Variants in CHST6 observed in about 807,000 individuals in gnomAD.
CHST6 encodes the protein N-acetylglucosamine 6-O-sulfotransferase 5.
For missense variants in CHST6, 698 were observed against 586.2 expected, an observed-to-expected ratio of 1.19 and a Z score of -1.97; for synonymous variants, 309 against 276.4, an observed-to-expected ratio of 1.12 and a Z score of -1.17.
rs942261645 is a variant in CHST6, at chr16:75,475,770, C to A, written c.*2871G>T. Reference sequence around the variant, plus strand: ...AATGGATGGGTCATACAACAAAGGACTTGGATACCAAGAGGCCATTAATTG... The same window carrying A: ...AATGGATGGGTCATACAACAAAGGAATTGGATACCAAGAGGCCATTAATTG... On this transcript the variant is annotated 3_prime_UTR_variant, in exon 3 of 3. Transcript: ENST00000332272. 1.3e-5 allele frequency: 2 copies of A among 152,222 alleles called. No homozygotes were observed. Among genetic ancestry groups the A allele is most frequent in the African/African-American group, 4.8e-5 (2 of 41,454 alleles). The allele number at this position is 152,222 out of a possible 1,614,324, so 9.4% of individuals were successfully genotyped here.
At chr16:75,493,267 T>G (rs928260498) in intron 1 of CHST6, among the ~76,000 whole-genome samples, 7 of 151,970 alleles carry the variant, frequency 4.6e-5, no homozygotes, top group Non-Finnish European at 1.0e-4. Context: ...TCCCAGCACT[T>G]TGCGAGGCTG....
chr16:75,493,633 G>T (rs963026292), intron 1 of CHST6, among the ~76,000 whole-genome samples: 2 of 152,216 alleles, frequency 1.3e-5, no homozygotes, highest in East Asian at 3.9e-4. Flanking sequence ...GGCGCATAGT[G>T]CACTTATGAG....
intron 1 of CHST6, among the ~76,000 whole-genome samples, chr16:75,493,869 T>C (rs1437240672): frequency 6.6e-6 from 1 of 152,114 alleles, no homozygotes; most frequent in Non-Finnish European, 1.5e-5. Context: ...TTTTCTGAGA[T>C]GGAGTCTCGC....
At chr16:75,480,121 T>C (rs971427654) in intron 2 of CHST6, among the ~76,000 whole-genome samples, 7 of 144,704 alleles carry the variant, frequency 4.8e-5, no homozygotes, top group African/African-American at 1.7e-4. Context: ...TTAATGTGAG[T>C]CCTACCTTCT....
chr16:75,484,872 C>G (rs996206544), intron 1 of CHST6, among the ~76,000 whole-genome samples: 2 of 152,028 alleles, frequency 1.3e-5, no homozygotes, highest in Non-Finnish European at 2.9e-5. Context: ...CAAAAAAACT[C>G]AAGGTAAAGA....
intron 1 of CHST6, among the ~76,000 whole-genome samples, chr16:75,491,185 AAAAAAATAT>A (rs1186565686): frequency 9.3e-5 from 8 of 85,954 alleles, no homozygotes; most frequent in African/African-American, 3.1e-4. Flanking sequence ...AAAAAAAAAA[AAAAAAATAT>A]ATATATATAT....
intron 1 of CHST6, among the ~76,000 whole-genome samples, chr16:75,488,138 T>A (rs1467228185): frequency 6.6e-6 from 1 of 152,144 alleles, no homozygotes; most frequent in African/African-American, 2.4e-5. Flanking sequence ...ATTTCTCTGT[T>A]TAGAGTTGGC....
chr16:75,492,459 CT>C (rs1294401988), intron 1 of CHST6, among the ~76,000 whole-genome samples: 3 of 152,238 alleles, frequency 2.0e-5, no homozygotes, highest in Non-Finnish European at 4.4e-5. Flanking sequence ...GGAATGTTCC[CT>C]GGTTTATTAA....
At chr16:75,481,119 A>G (rs1399838353) in intron 2 of CHST6, among the ~76,000 whole-genome samples, 1 of 151,408 alleles carries the variant, frequency 6.6e-6, no homozygotes, top group Non-Finnish European at 1.5e-5. Flanking sequence ...AAAAAAAACA[A>G]AAAAAGGAAA....
At position 75,475,453 on chromosome 16, in the gene CHST6, C is replaced by CTGTG. The variant is rs2080056853; in HGVS notation, c.*3187_*3188insCACA. 1.3e-5 allele frequency: 2 copies of CTGTG among 152,390 alleles called. No individual in the cohort carries two copies. The highest frequency in any genetic ancestry group is 4.8e-5 in the African/African-American group (2 of 41,470). 9.4% of individuals were successfully genotyped at this position (152,390 alleles called of 1,614,324 possible). A position where few individuals can be genotyped will look rare whatever the true frequency, so the allele number is the denominator to read the frequency against. ...AGCAAACCACTAACAGTGGTCAATGCAGTCACCCCCACAGCAACCCAGAGC... is the reference window on the plus strand; with the variant it reads ...AGCAAACCACTAACAGTGGTCAATGCTGTGAGTCACCCCCACAGCAACCCAGAGC... On this transcript the variant is annotated 3_prime_UTR_variant, in exon 3 of 3. Transcript: ENST00000332272.
rs1231900716 is a variant in CHST6, at chr16:75,478,740, A to G, written c.1089T>C (p.Ser363=). ...LQLLGYRPVY[S]EDEQRNLALD... is the part of the protein sequence containing the mutation. ...GGGCGAGGTTGCGCTGCTCGTCCTC[A>G]GAGTACACAGGCCGGTAGCCCAGCA... The change falls in exon 3 of 3, where the codon TCT becomes TCC. Residue 363 remains serine (S), a synonymous_variant. Coordinates refer to ENST00000332272, the MANE Select transcript of CHST6 (RefSeq NM_021615.5). 7.4e-6 allele frequency: 12 copies of G among 1,613,564 alleles called. No homozygotes were observed. Among genetic ancestry groups the G allele is most frequent in the Non-Finnish European group, 1.0e-5 (12 of 1,180,026 alleles).
At position 75,478,469 on chromosome 16, in the gene CHST6, C is replaced by G; in HGVS notation, c.*172G>C. On this transcript the variant is annotated 3_prime_UTR_variant, in exon 3 of 3. Transcript: ENST00000332272. ...CAGCTCCAGAGGACTCAAAGGAAAA[C>G]CAAGAATCAAGAGAGAAAGAAACGT... 1 of 682,710 alleles carries G rather than the reference C, an allele frequency of 1.5e-6. No individual in the cohort carries two copies. Among genetic ancestry groups the G allele is most frequent in the Non-Finnish European group, 2.5e-6 (1 of 395,682 alleles). 42.3% of individuals were successfully genotyped at this position (682,710 alleles called of 1,614,324 possible).
chr16:75,473,984 C>G lies in CHST6; in HGVS notation c.*4657G>C, dbSNP rs2080040345. On this transcript the variant is annotated 3_prime_UTR_variant, in exon 3 of 3. Coordinates refer to ENST00000332272, the MANE Select transcript of CHST6 (RefSeq NM_021615.5). ...GTCAGGAGTTCCAGCCCAGCCTGAT[C>G]GACATGGTGAAACCCCATCTCTACT... 6.6e-6 allele frequency: 1 copy of G among 152,000 alleles called. No homozygotes were observed. The highest frequency in any genetic ancestry group is 1.5e-5 in the Non-Finnish European group (1 of 68,032). The allele number at this position is 152,000 out of a possible 1,614,324, so 9.4% of individuals were successfully genotyped here. A position where few individuals can be genotyped will look rare whatever the true frequency, so the allele number is the denominator to read the frequency against.
intron 1 of CHST6, among the ~76,000 whole-genome samples, chr16:75,483,515 C>A (rs1239780608): frequency 6.6e-6 from 1 of 152,170 alleles, no homozygotes; most frequent in Non-Finnish European, 1.5e-5. Context: ...CTGATAGGAG[C>A]CTTACGTTCA....
chr16:75,492,903 T>C (rs575330314), intron 1 of CHST6, among the ~76,000 whole-genome samples: 1 of 151,990 alleles, frequency 6.6e-6, no homozygotes, highest in Non-Finnish European at 1.5e-5. Context: ...AAATGCAACA[T>C]GTGGACCTTG....
chr16:75,492,693 C>G (rs1302665412), intron 1 of CHST6, among the ~76,000 whole-genome samples: 1 of 151,930 alleles, frequency 6.6e-6, no homozygotes, highest in East Asian at 1.9e-4. Context: ...TTACTAAATA[C>G]ACAAAAAGTA....
rs1567407795 is a variant in CHST6, at chr16:75,478,208, C to T, written c.*433G>A. On this transcript the variant is annotated 3_prime_UTR_variant, in exon 3 of 3. Transcript: ENST00000332272. ...CACTTCCGAGTTTTGCCATGTGTGC[C>T]TGTGTGCATATGTATGTGATGTACA... is the stretch of plus-strand genomic sequence containing the variant. 1 of 227,302 alleles carries T rather than the reference C, an allele frequency of 4.4e-6. No homozygotes were observed. The highest frequency in any genetic ancestry group is 8.8e-6 in the Non-Finnish European group (1 of 113,200). The allele number at this position is 227,302 out of a possible 1,614,324, so 14.1% of individuals were successfully genotyped here. A position where few individuals can be genotyped will look rare whatever the true frequency, so the allele number is the denominator to read the frequency against.
At chr16:75,488,820 G>A (rs1051600941) in intron 1 of CHST6, among the ~76,000 whole-genome samples, 1 of 151,452 alleles carries the variant, frequency 6.6e-6, no homozygotes, top group Non-Finnish European at 1.5e-5. Context: ...CCGGGAGGTG[G>A]AGGTTGCAGT....
chr16:75,490,616 G>A (rs2080243947), intron 1 of CHST6: 1 of 152,146 alleles, frequency 6.6e-6, no homozygotes, highest in Non-Finnish European at 1.5e-5. Flanking sequence ...ATAATTACAA[G>A]TGTTGGTGAG....
Sources: gnomAD v4.1 joint callset for allele counts (sites outside exome capture counted in the v4.1 genomes callset) on GRCh38, gnomAD v4.1.1 for gene constraint, MANE v1.5 for transcripts, NCBI Gene and HGNC (gene_info 2026-07-23, HGNC 2026-07-21) for gene names.